GNAQ: variants seen among roughly 807,000 people sequenced by gnomAD.
The protein encoded by GNAQ is guanine nucleotide-binding protein G(q) subunit alpha.
In GNAQ, 8 loss-of-function variants were observed where a neutral mutation model predicts 43.9. The ratio of observed to expected loss-of-function variants is 0.18; its 90% CI spans 0.11 to 0.33. GNAQ has a LOEUF of 0.33. Among genes scored for constraint, GNAQ ranks in the 10% least tolerant of loss-of-function variants. GNAQ has a pLI of 1.00. For synonymous variants in GNAQ, 155 were observed against 170.7 expected, an observed-to-expected ratio of 0.91 and a Z score of 0.71; for missense variants, 158 against 450.8, an observed-to-expected ratio of 0.35 and a Z score of 5.88.
chr9:77,777,279 T>C (rs80089980), intron 5 of GNAQ, among the ~76,000 whole-genome samples: 4,700 of 152,160 alleles, frequency 0.031, 203 homozygotes, highest in African/African-American at 0.099. Flanking sequence ...ATAGTGCAAA[T>C]GCAATATATA....
intron 2 of GNAQ, among the ~76,000 whole-genome samples, chr9:77,840,509 G>A (rs1227949155): frequency 6.6e-6 from 1 of 151,950 alleles, no homozygotes; most frequent in Non-Finnish European, 1.5e-5. Context: ...GCTAACTTTT[G>A]TATTTTTAGT....
At chr9:78,006,038 C>T (rs1396313035) in intron 1 of GNAQ, among the ~76,000 whole-genome samples, 1 of 152,144 alleles carries the variant, frequency 6.6e-6, no homozygotes, top group Non-Finnish European at 1.5e-5. Context: ...CGCAGGCTTA[C>T]TATGTTAACT....
intron 1 of GNAQ, among the ~76,000 whole-genome samples, chr9:77,997,817 G>T (rs370562786): frequency 6.6e-6 from 1 of 152,112 alleles, no homozygotes; most frequent in African/African-American, 2.4e-5. Context: ...ACTGTGTCTC[G>T]TCCCAAAGGG....
chr9:78,026,640 C>T (rs1042180044), intron 1 of GNAQ, among the ~76,000 whole-genome samples: 2 of 152,104 alleles, frequency 1.3e-5, no homozygotes, highest in African/African-American at 4.8e-5. Flanking sequence ...GCACTGACCT[C>T]TAGGTTAATT....
At chr9:77,948,627 G>A (rs941512342) in intron 1 of GNAQ, among the ~76,000 whole-genome samples, 3 of 152,142 alleles carry the variant, frequency 2.0e-5, no homozygotes, top group Non-Finnish European at 2.9e-5. Context: ...AAGAACGACC[G>A]CTACTGTTGA....
rs565553555 is a variant in GNAQ at position 77,728,254 on chromosome 9, A to G, written c.889+260T>C. On this transcript the variant is annotated intron_variant, in intron 6 of 6. Coordinates refer to ENST00000286548, the MANE Select transcript of GNAQ (RefSeq NM_002072.5). ...GTGATCCGCCTGCCTCGGCCTCCCA[A>G]AGTGCTGGGATTACAGGCGCTCGCC... Among the ~76,000 whole-genome samples, 276 of 152,276 alleles carry G rather than the reference A, an allele frequency of 1.8e-3. 1 individual carries two copies. Among genetic ancestry groups the G allele is most frequent in the African/African-American group, 6.0e-3 (250 of 41,558 alleles).
rs375752239 is a variant in GNAQ, at chr9:77,837,822, C to A, written c.322-22052G>T. Among the ~76,000 whole-genome samples the A allele has an allele frequency of 5.9e-5, 9 of 151,496 alleles. No homozygotes were observed. The South Asian group carries it at 1.9e-3, about 32-fold the overall frequency. Reference sequence around the variant, plus strand: ...CAGCAAAATATTAAGAATGATTATACCCAGTGAGATACTGAGTGATTTAAA... The same window carrying A: ...CAGCAAAATATTAAGAATGATTATAACCAGTGAGATACTGAGTGATTTAAA... On this transcript the variant is annotated intron_variant, in intron 2 of 6. Transcript: ENST00000286548.
Position 77,797,537 on chromosome 9 carries a change from T to C in GNAQ, c.588A>G (p.Leu196=). The change falls in exon 4 of 7, where the codon TTA becomes TTG. Residue 196 remains leucine (L), a synonymous_variant. Coordinates refer to ENST00000286548, the MANE Select transcript of GNAQ (RefSeq NM_002072.5). ...GTTACTACCTGAAAATGACACTTTG[T>C]AAGTCAAAGGGGTATTCGATGATCC... ...TTGIIEYPFD[L]QSVIFRMVDV... 6.2e-7 allele frequency: 1 copy of C among 1,612,888 alleles called. No individual in the cohort carries two copies. The highest frequency in any genetic ancestry group is 1.1e-5 in the South Asian group (1 of 91,032).
chr9:77,794,737 A>G, intron 4 of GNAQ, 145 bp from the exon 5 acceptor site: 2 of 460,884 alleles, frequency 4.3e-6, no homozygotes, highest in Non-Finnish European at 7.7e-6. Flanking sequence ...TACTTATTGA[A>G]TAATTACTAA....
At chr9:77,839,691 G>T (rs1468241800) in intron 2 of GNAQ, among the ~76,000 whole-genome samples, 2 of 152,252 alleles carry the variant, frequency 1.3e-5, no homozygotes, top group Admixed American at 1.3e-4. Flanking sequence ...AGAAGGGCAA[G>T]AAGGTATGGG....
chr9:77,795,775 TCC>T (rs1826648103), intron 4 of GNAQ, among the ~76,000 whole-genome samples: 1 of 152,140 alleles, frequency 6.6e-6, no homozygotes, highest in African/African-American at 2.4e-5. Context: ...TTACGTGAAA[TCC>T]TCATTCCATG....
chr9:78,015,273 A>G (rs1363858250), intron 1 of GNAQ, among the ~76,000 whole-genome samples: 3 of 152,236 alleles, frequency 2.0e-5, no homozygotes, highest in Admixed American at 2.0e-4. Context: ...CACATAGCCT[A>G]TATGTGTGTT....
At chr9:77,898,848 T>C (rs1828546944) in intron 2 of GNAQ, among the ~76,000 whole-genome samples, 1 of 152,182 alleles carries the variant, frequency 6.6e-6, no homozygotes, top group Admixed American at 6.5e-5. Context: ...TTCTTGCATA[T>C]ATTGTTATTA....
chr9:77,785,615 A>G (rs144332668), intron 5 of GNAQ, among the ~76,000 whole-genome samples: 2,139 of 152,324 alleles, frequency 0.014, 32 homozygotes, highest in Non-Finnish European at 0.019. Context: ...AATACTTATA[A>G]TCTGTATACT....
At chr9:77,767,220 T>A (rs1474798071) in intron 5 of GNAQ, among the ~76,000 whole-genome samples, 1 of 152,124 alleles carries the variant, frequency 6.6e-6, no homozygotes. Flanking sequence ...ACCTCGACAC[T>A]ACTGACATTT....
At chr9:77,898,519 CCTAT>C (rs1291217925) in intron 2 of GNAQ, among the ~76,000 whole-genome samples, 1 of 152,116 alleles carries the variant, frequency 6.6e-6, no homozygotes, top group Non-Finnish European at 1.5e-5. Flanking sequence ...TCAAGAGCAA[CCTAT>C]CTGTTAGTTA....
chr9:77,726,264 T>G (rs888263394), intron 6 of GNAQ, among the ~76,000 whole-genome samples: 4 of 152,176 alleles, frequency 2.6e-5, no homozygotes, highest in Non-Finnish European at 5.9e-5. Context: ...AGAAAGTGTT[T>G]TTCAAAGAAC....
intron 1 of GNAQ, among the ~76,000 whole-genome samples, chr9:78,003,632 T>C (rs1310918610): frequency 6.6e-6 from 1 of 151,980 alleles, no homozygotes; most frequent in African/African-American, 2.4e-5. Context: ...CTGGGCAACA[T>C]GGCGAAACCC....
intron 2 of GNAQ, among the ~76,000 whole-genome samples, chr9:77,834,507 T>TC (rs1827353357): frequency 4.5e-5 from 1 of 22,094 alleles, no homozygotes. Context: ...CTATTCTTTC[T>TC]TTTTTTTTAA....
Sources: gnomAD v4.1 joint callset for allele counts (sites outside exome capture counted in the v4.1 genomes callset) on GRCh38, gnomAD v4.1.1 for gene constraint, MANE v1.5 for transcripts, NCBI Gene and HGNC (gene_info 2026-07-23, HGNC 2026-07-21) for gene names.